Variants in RYR2 observed in about 807,000 individuals in gnomAD.
RYR2 encodes ryanodine receptor 2.
In RYR2, 227 loss-of-function variants were observed where a neutral mutation model predicts 601.1. The ratio of observed to expected loss-of-function variants is 0.38; its 90% CI spans 0.34 to 0.42. The LOEUF (loss-of-function observed/expected upper bound fraction) is 0.42. RYR2 is among the 10% of genes least tolerant of loss of function. The pLI, the probability that RYR2 is intolerant of heterozygous loss-of-function variation, is 1.00. For synonymous variants in RYR2, 2,223 were observed against 2,175.1 expected (o/e 1.02, Z -0.61); for missense variants, 4,646 against 6,156.5 (o/e 0.75, Z 8.21).
At chr1:237,170,314 A>C (rs548778200) in intron 1 of RYR2, among the ~76,000 whole-genome samples, 68 of 152,300 alleles carry the variant, frequency 4.5e-4, no homozygotes, top group African/African-American at 1.5e-3. Flanking sequence ...AGCAAGTGCC[A>C]GGCTCTTAGG....
At chr1:237,340,988 A>G (rs781619882) in intron 3 of RYR2, among the ~76,000 whole-genome samples, 25 of 152,198 alleles carry the variant, frequency 1.6e-4, no homozygotes, top group Non-Finnish European at 3.2e-4. Flanking sequence ...CTTTCTACTC[A>G]GAAGCCAAGG....
chr1:237,507,043 A>G (rs1425668765), intron 23 of RYR2, among the ~76,000 whole-genome samples: 1 of 152,238 alleles, frequency 6.6e-6, no homozygotes, highest in Admixed American at 6.5e-5. Flanking sequence ...CTGCCTAGAC[A>G]ATGGAAAGTT....
chr1:237,276,806 A>C (rs1332796224), intron 2 of RYR2, among the ~76,000 whole-genome samples: 1 of 152,238 alleles, frequency 6.6e-6, no homozygotes, highest in African/African-American at 2.4e-5. Flanking sequence ...TAAAATAAAT[A>C]GTGTGGTAGA....
At chr1:237,480,140 G>A (rs1447455877) in intron 17 of RYR2, among the ~76,000 whole-genome samples, 5 of 151,926 alleles carry the variant, frequency 3.3e-5, no homozygotes, top group Non-Finnish European at 5.9e-5. Flanking sequence ...CATATCTGGC[G>A]GGGCATGGTG....
At chr1:237,472,129 G>C (rs1326687554) in intron 17 of RYR2, among the ~76,000 whole-genome samples, 1 of 152,180 alleles carries the variant, frequency 6.6e-6, no homozygotes, top group Non-Finnish European at 1.5e-5. Context: ...AGAGGAAGTG[G>C]TGTTGCTTAG....
At chr1:237,284,631 ATG>A (rs1406161328) in intron 2 of RYR2, among the ~76,000 whole-genome samples, 15 of 138,414 alleles carry the variant, frequency 1.1e-4, no homozygotes, top group South Asian at 4.7e-4. Flanking sequence ...TGTAGTATAT[ATG>A]TATAGTGTGT....
At chr1:237,673,860 G>T (rs1168955457) in intron 58 of RYR2, among the ~76,000 whole-genome samples, 2 of 152,140 alleles carry the variant, frequency 1.3e-5, no homozygotes, top group Non-Finnish European at 2.9e-5. Flanking sequence ...TATTACAAAT[G>T]CATGCATGTT....
chr1:237,713,881 TA>T, intron 71 of RYR2, among the ~76,000 whole-genome samples: 1 of 152,142 alleles, frequency 6.6e-6, no homozygotes, highest in Non-Finnish European at 1.5e-5. Context: ...CTTGGACATT[TA>T]AAGCTAGGCT....
At chr1:237,611,041 G>A in intron 36 of RYR2, 53 bp downstream of exon 36, 1 of 1,489,314 alleles carries the variant, frequency 6.7e-7, no homozygotes, top group Middle Eastern at 1.9e-4. Context: ...GGATTAGCCT[G>A]CTGCCCGGGG....
At chr1:237,425,760 G>T (rs1041970156) in intron 12 of RYR2, among the ~76,000 whole-genome samples, 26 of 152,000 alleles carry the variant, frequency 1.7e-4, no homozygotes, top group African/African-American at 6.3e-4. Context: ...AAGAAGAGGG[G>T]CTGGTCTTGT....
intron 1 of RYR2, among the ~76,000 whole-genome samples, chr1:237,239,853 A>C (rs1471566091): frequency 6.6e-6 from 1 of 152,216 alleles, no homozygotes; most frequent in Non-Finnish European, 1.5e-5. Flanking sequence ...CCAAGAGCAC[A>C]TCTCACTTTT....
At chr1:237,067,476 C>G (rs1018971558) in intron 1 of RYR2, among the ~76,000 whole-genome samples, 4 of 152,142 alleles carry the variant, frequency 2.6e-5, no homozygotes, top group Admixed American at 2.0e-4. Flanking sequence ...GTTCTGTATT[C>G]CGCTTCATTC....
intron 1 of RYR2, among the ~76,000 whole-genome samples, chr1:237,144,832 A>G (rs139279335): frequency 5.9e-5 from 9 of 152,324 alleles, no homozygotes; most frequent in Admixed American, 5.9e-4. Flanking sequence ...AAGTCTAGTA[A>G]TAAAGTAAAT....
chr1:237,473,458 T>TTTCTTTCTTTCTTTCTTTCTTTCTTC (rs1558878518), intron 17 of RYR2, among the ~76,000 whole-genome samples: 3 of 149,536 alleles, frequency 2.0e-5, no homozygotes, highest in African/African-American at 2.4e-5. Context: ...TCTTTCTTTC[T>TTTCTTTCTTTCTTTCTTTCTTTCTTC]TTCTATCTAT....
At chr1:237,249,065 G>C (rs555105315) in intron 1 of RYR2, among the ~76,000 whole-genome samples, 13 of 152,070 alleles carry the variant, frequency 8.5e-5, no homozygotes, top group African/African-American at 3.1e-4. Context: ...GCGCCCGGCC[G>C]AACAAATGTA....
intron 10 of RYR2, among the ~76,000 whole-genome samples, chr1:237,405,641 C>T (rs1157593405): frequency 6.6e-6 from 1 of 152,114 alleles, no homozygotes; most frequent in Non-Finnish European, 1.5e-5. Flanking sequence ...ATGCTCAAAA[C>T]TTTGCCTTGA....
At chr1:237,289,656 G>A (rs1691996807) in intron 2 of RYR2, among the ~76,000 whole-genome samples, 1 of 152,050 alleles carries the variant, frequency 6.6e-6, no homozygotes, top group African/African-American at 2.4e-5. Context: ...TGACATGTGG[G>A]AATTATGGGA....
intron 1 of RYR2, among the ~76,000 whole-genome samples, chr1:237,186,330 T>C (rs1164949169): frequency 6.6e-6 from 1 of 152,162 alleles, no homozygotes; most frequent in African/African-American, 2.4e-5. Flanking sequence ...TTTTATAACA[T>C]GCCATTCTGT....
At chr1:237,756,761 G>A (rs768980294) in intron 81 of RYR2, among the ~76,000 whole-genome samples, 1 of 152,184 alleles carries the variant, frequency 6.6e-6, no homozygotes, top group African/African-American at 2.4e-5. Context: ...ACTGTGCCAT[G>A]TTAGCAGGAA....
Sources: allele counts gnomAD v4.1 joint callset (sites outside exome capture counted in the v4.1 genomes callset), GRCh38; gene constraint gnomAD v4.1.1; transcripts MANE v1.5; gene names NCBI Gene and HGNC (gene_info 2026-07-23, HGNC 2026-07-21).